AP1G1: variants seen among roughly 807,000 people sequenced by gnomAD.
AP1G1 encodes the protein adaptor related protein complex 1 subunit gamma 1.
Under a neutral mutation model 108.3 loss-of-function variants are expected in AP1G1, and 7 were observed. The ratio of observed to expected loss-of-function variants is 0.06; its 90% CI spans 0.04 to 0.12. The LOEUF is 0.12. Ranked by LOEUF, AP1G1 falls within the 10% of genes least tolerant of loss-of-function variation. The pLI is 1.00. For missense variants in AP1G1, 756 were observed against 1,010.7 expected (o/e 0.75, Z 3.42); for synonymous variants, 379 against 353.5 (o/e 1.07, Z -0.81).
At chr16:71,802,307 C>G (rs2032830189) in intron 1 of AP1G1, among the ~76,000 whole-genome samples, 1 of 152,158 alleles carries the variant, frequency 6.6e-6, no homozygotes, top group Non-Finnish European at 1.5e-5. Context: ...ATCTCTGTCA[C>G]CCAGGCTGGA....
intron 3 of AP1G1, 43 bp downstream of exon 3, chr16:71,774,425 A>G (rs898172336): frequency 1.3e-6 from 2 of 1,576,592 alleles, no homozygotes; most frequent in African/African-American, 2.8e-5. Flanking sequence ...AAAAAAGAAC[A>G]AAGTAGTTAA....
At chr16:71,777,216 G>C (rs12922028) in intron 2 of AP1G1, among the ~76,000 whole-genome samples, 1 of 149,876 alleles carries the variant, frequency 6.7e-6, no homozygotes, top group African/African-American at 2.4e-5. Context: ...CGCTGTCTTA[G>C]AGGAGGGGAT....
At chr16:71,737,103 T>C (rs1468552892) in intron 21 of AP1G1, among the ~76,000 whole-genome samples, 1 of 152,140 alleles carries the variant, frequency 6.6e-6, no homozygotes, top group Non-Finnish European at 1.5e-5. Context: ...AAAAACTTAT[T>C]TATTCCTTTA....
At position 71,793,830 on chromosome 16, in the gene AP1G1, TCCCCAAGTAGCTGGGACTA is replaced by T. The variant is rs2032487859; in HGVS notation, c.-3-4367_-3-4349del. 2.6e-5 allele frequency among the ~76,000 whole-genome samples: 4 copies of T among 152,124 alleles called. No individual in the cohort carries two copies. The South Asian group carries it at 8.3e-4, about 32-fold the overall frequency. On this transcript the variant is annotated intron_variant, in intron 1 of 22. Transcript: ENST00000299980. ...GCTCAAGCGATCCTCCCACCTCAGC[TCCCCAAGTAGCTGGGACTA>T]CAGGCGCAAGCCACCACACCAGGCT...
At chr16:71,759,524 G>A (rs764515855) in intron 10 of AP1G1, among the ~76,000 whole-genome samples, 2 of 150,994 alleles carry the variant, frequency 1.3e-5, no homozygotes, top group Non-Finnish European at 2.9e-5. Context: ...ACTTTGGGAG[G>A]CCCAGGTGGG....
chr16:71,807,268 T>C (rs998150673), intron 1 of AP1G1, among the ~76,000 whole-genome samples: 4 of 152,016 alleles, frequency 2.6e-5, no homozygotes, highest in East Asian at 1.9e-4. Flanking sequence ...TCTACTAAAA[T>C]ACAACAACAA....
Position 71,744,571 on chromosome 16 carries a change from G to GTTTT in AP1G1, c.1999+569_1999+572dup, listed in dbSNP as rs71856788. ...TTTTTGAGCTTGAAAGAGAAAGTGT[G>GTTTT]TTTTTTTTTTTTTTTTTTTGGAGAC... On this transcript the variant is annotated intron_variant, in intron 19 of 22. Coordinates refer to ENST00000299980, the MANE Select transcript of AP1G1 (RefSeq NM_001128.6). 5.4e-3 allele frequency among the ~76,000 whole-genome samples: 622 copies of GTTTT among 114,332 alleles called. 27 individuals carry two copies. Among genetic ancestry groups the GTTTT allele is most frequent in the Middle Eastern group, 0.021 (4 of 192 alleles). The allele number at this position is 114,332 out of a possible 152,430, so 75.0% of individuals were successfully genotyped here.
intron 2 of AP1G1, chr16:71,777,662 G>A: frequency 8.7e-6 from 4 of 459,106 alleles, no homozygotes; most frequent in Non-Finnish European, 1.8e-5. Flanking sequence ...CTCCTCTTCG[G>A]CAGCTCTCTT....
intron 1 of AP1G1, among the ~76,000 whole-genome samples, chr16:71,800,903 G>A (rs1292928644): frequency 6.6e-6 from 1 of 152,216 alleles, no homozygotes. Flanking sequence ...GCTGAGGCAG[G>A]AGAATCACTT....
chr16:71,760,629 T>G (rs983604369), intron 10 of AP1G1, among the ~76,000 whole-genome samples: 4 of 151,904 alleles, frequency 2.6e-5, no homozygotes, highest in African/African-American at 7.3e-5. Context: ...ACTGCAGCTT[T>G]AACCTCCTGG....
At chr16:71,741,322 C>T (rs2045618003) in intron 19 of AP1G1, among the ~76,000 whole-genome samples, 1 of 152,178 alleles carries the variant, frequency 6.6e-6, no homozygotes, top group Non-Finnish European at 1.5e-5. Flanking sequence ...ATGGCTCATG[C>T]CTGTAATCCC....
chr16:71,765,554 T>C lies in AP1G1; in HGVS notation c.673A>G (p.Asn225Asp). The change falls in exon 7 of 23, where the codon AAC (asparagine) becomes GAC (aspartate). Residue 225 changes from asparagine to aspartate, a missense_variant. Around this residue, in one of 3 missense-constraint regions of AP1G1, gnomAD observed 304 missense variants for 483.6 expected, o/e 0.63. Transcript: ENST00000299980. The stretch of plus-strand genomic sequence containing the variant: ...GGTGAATATCCGGACATGATGAGGT[T>C]CTTTAAAATACGAACTAATTGGGGC... The part of the protein sequence containing the change: ...LVPQLVRILK[N>D]LIMSGYSPEH... 6.2e-7 allele frequency: 1 copy of C among 1,613,620 alleles called. No individual in the cohort carries two copies. Among genetic ancestry groups the C allele is most frequent in the Non-Finnish European group, 8.5e-7 (1 of 1,179,672 alleles).
chr16:71,802,761 T>A lies in AP1G1; in HGVS notation c.-4+6002A>T, dbSNP rs957412650. Among the ~76,000 whole-genome samples, 2 of 151,562 alleles carry A rather than the reference T, an allele frequency of 1.3e-5. 1 individual carries two copies. Among genetic ancestry groups the A allele is most frequent in the South Asian group, 4.2e-4 (2 of 4,794 alleles). ...AAAATTCGTACAGCCAGAGTCCCAC[T>A]GTGTTTCCCAGGCTGGTTTCAAACT... is the stretch of plus-strand genomic sequence containing the variant. On this transcript the variant is annotated intron_variant, in intron 1 of 22. Coordinates refer to ENST00000299980, the MANE Select transcript of AP1G1 (RefSeq NM_001128.6).
At chr16:71,782,846 T>G (rs2032075626) in intron 2 of AP1G1, among the ~76,000 whole-genome samples, 1 of 152,142 alleles carries the variant, frequency 6.6e-6, no homozygotes. Context: ...CCTCTTCTGG[T>G]GATTACTGAA....
chr16:71,769,375 CAT>C (rs569775940), intron 6 of AP1G1, among the ~76,000 whole-genome samples: 2 of 151,712 alleles, frequency 1.3e-5, no homozygotes, highest in Non-Finnish European at 2.9e-5. Context: ...AGATAAAACA[CAT>C]GAGATTGGTG....
At chr16:71,757,063 A>G (rs1055306212) in intron 11 of AP1G1, among the ~76,000 whole-genome samples, 3 of 152,224 alleles carry the variant, frequency 2.0e-5, no homozygotes, top group Admixed American at 2.0e-4. Flanking sequence ...TAAAAATAGG[A>G]ATGTTTAACA....
chr16:71,754,929 C>A (rs1219105764), intron 12 of AP1G1, among the ~76,000 whole-genome samples: 2 of 151,918 alleles, frequency 1.3e-5, no homozygotes, highest in Non-Finnish European at 2.9e-5. Flanking sequence ...ATCATTCAGT[C>A]AGGGCAGGAG....
At chr16:71,775,924 G>A (rs1019818181) in intron 2 of AP1G1, among the ~76,000 whole-genome samples, 2 of 152,134 alleles carry the variant, frequency 1.3e-5, no homozygotes, top group African/African-American at 4.8e-5. Context: ...TGCCTTTCTT[G>A]AACCACCTTC....
intron 16 of AP1G1, chr16:71,747,425 C>T (rs1167914326): frequency 6.6e-6 from 1 of 151,938 alleles, no homozygotes; most frequent in African/African-American, 2.4e-5. Context: ...CCAAAAAATA[C>T]AAAAATTAGC....
Sources: gnomAD v4.1 joint callset for allele counts (sites outside exome capture counted in the v4.1 genomes callset) on GRCh38, gnomAD v4.1.1 for gene constraint, gnomAD v4.1.1 regional missense constraint, MANE v1.5 for transcripts, NCBI Gene and HGNC (gene_info 2026-07-23, HGNC 2026-07-21) for gene names.